STIMATE: variants seen among roughly 807,000 people sequenced by gnomAD.
The protein encoded by STIMATE is store-operated calcium entry regulator STIMATE.
STIMATE carries 15 observed loss-of-function variants against 36.7 expected under a neutral mutation model. That is an observed-to-expected ratio of 0.41 (90% CI 0.27 to 0.63). STIMATE has a LOEUF of 0.63. STIMATE is among the 20% of genes least tolerant of loss of function. The pLI is 0.32. For synonymous variants in STIMATE, 163 were observed against 162.3 expected (o/e 1.00, Z -0.03); for missense variants, 305 against 397.3 (o/e 0.77, Z 1.98).
intron 4 of STIMATE, chr3:52,846,667 G>C (rs554048602): frequency 1.3e-5 from 2 of 152,318 alleles, no homozygotes; most frequent in Non-Finnish European, 2.9e-5. Context: ...TGCCTCTTTA[G>C]ATGCTAAAAT....
intron 1 of STIMATE, among the ~76,000 whole-genome samples, chr3:52,873,208 C>A (rs1201361580): frequency 1.3e-5 from 2 of 152,210 alleles, no homozygotes; most frequent in Non-Finnish European, 1.5e-5. Flanking sequence ...AGGAGCAGGG[C>A]TGTGGTGTCA....
rs1023151554 is a variant in STIMATE, at chr3:52,843,766, G to A, written c.573C>T (p.Asp191=). ...TCAGCATGACGATGGCCAGCTTCAAGTCTGGGTTTTCAATGGGATTCAACA... is the reference window on the plus strand; with the variant it reads ...TCAGCATGACGATGGCCAGCTTCAAATCTGGGTTTTCAATGGGATTCAACA... ...VALLNPIENP[D]LKLAIVMLIV... is the part of the protein sequence containing the mutation. The change falls in exon 6 of 8, where the codon GAC becomes GAT. Residue 191 remains aspartate, a synonymous_variant. Coordinates refer to ENST00000355083, the MANE Select transcript of STIMATE (RefSeq NM_198563.5). 6.8e-6 allele frequency: 11 copies of A among 1,613,830 alleles called. No homozygotes were observed. Among genetic ancestry groups the A allele is most frequent in the Middle Eastern group, 1.6e-4 (1 of 6,084 alleles).
chr3:52,878,641 G>A (rs1185858739), intron 1 of STIMATE, among the ~76,000 whole-genome samples: 1 of 152,138 alleles, frequency 6.6e-6, no homozygotes, highest in Non-Finnish European at 1.5e-5. Context: ...TGATTGTCTC[G>A]TGAGCCTACC....
chr3:52,883,211 G>A (rs975331252), intron 1 of STIMATE, among the ~76,000 whole-genome samples: 5 of 152,092 alleles, frequency 3.3e-5, no homozygotes, highest in Admixed American at 2.0e-4. Flanking sequence ...ATTTCTCACC[G>A]GCTATAGAAT....
At chr3:52,857,976 A>G (rs2106678910) in intron 1 of STIMATE, among the ~76,000 whole-genome samples, 1 of 152,274 alleles carries the variant, frequency 6.6e-6, no homozygotes, top group African/African-American at 2.4e-5. Context: ...GGAGGAGATT[A>G]GGACACAGAT....
At chr3:52,870,347 A>C (rs1701380969) in intron 1 of STIMATE, among the ~76,000 whole-genome samples, 1 of 152,114 alleles carries the variant, frequency 6.6e-6, no homozygotes, top group Non-Finnish European at 1.5e-5. Context: ...ATCTGAAAAC[A>C]ACCACGATCA....
chr3:52,863,022 G>A lies in STIMATE; in HGVS notation c.161-7578C>T, dbSNP rs1424644751. 3.3e-5 allele frequency among the ~76,000 whole-genome samples: 5 copies of A among 152,188 alleles called. No individual in the cohort carries two copies. In the East Asian group the frequency reaches 7.7e-4, roughly 23 times the overall value. On this transcript the variant is annotated intron_variant, in intron 1 of 7. Coordinates refer to ENST00000355083, the MANE Select transcript of STIMATE (RefSeq NM_198563.5). ...GGTCCTCTCCCAGAGCTGCTGGAGG[G>A]AGTGTGGCCGCTGCCCACACCTTGA...
chr3:52,849,632 G>A (rs376149096), intron 4 of STIMATE, among the ~76,000 whole-genome samples, 160 bp downstream of exon 4: 74 of 27,348 alleles, frequency 2.7e-3, no homozygotes, highest in African/African-American at 3.0e-3. Context: ...CCCACAGGAG[G>A]GTGTGCTCAA....
chr3:52,862,062 C>T (rs1463070627), intron 1 of STIMATE, among the ~76,000 whole-genome samples: 1 of 152,180 alleles, frequency 6.6e-6, no homozygotes, highest in East Asian at 1.9e-4. Flanking sequence ...CAGGCTGGCC[C>T]AGTCTGCTGG....
At chr3:52,857,683 T>A (rs1023374186) in intron 1 of STIMATE, among the ~76,000 whole-genome samples, 2 of 151,586 alleles carry the variant, frequency 1.3e-5, no homozygotes, top group Admixed American at 1.3e-4. Flanking sequence ...GTATAATAAA[T>A]GTATTACATT....
chr3:52,897,213 C>A, intron 1 of STIMATE, 78 bp downstream of exon 1: 1 of 1,503,914 alleles, frequency 6.6e-7, no homozygotes, highest in Non-Finnish European at 8.8e-7. Flanking sequence ...GAACTCTCCG[C>A]GCAGGAGGGG....
rs553436228 is a variant in STIMATE at position 52,882,175 on chromosome 3, C to T, written c.160+15116G>A. Among the ~76,000 whole-genome samples the T allele has an allele frequency of 4.6e-5, 7 of 152,316 alleles. No homozygotes were observed. In the East Asian group the frequency reaches 7.7e-4, roughly 17 times the overall value. On this transcript the variant is annotated intron_variant, in intron 1 of 7. Transcript: ENST00000355083. ...GGCTGGGGTCCTTAGCTCCTCACCA[C>T]GTGGGTCTCTTCACAGGACTGCCTG...
At chr3:52,849,163 G>A (rs1700956249) in intron 4 of STIMATE, among the ~76,000 whole-genome samples, 2 of 152,212 alleles carry the variant, frequency 1.3e-5, no homozygotes, top group Admixed American at 6.5e-5. Context: ...AGGCTCCACT[G>A]ATACTGATCC....
intron 1 of STIMATE, among the ~76,000 whole-genome samples, chr3:52,892,041 G>A (rs1701791908): frequency 6.6e-6 from 1 of 152,330 alleles, no homozygotes; most frequent in East Asian, 1.9e-4. Context: ...CATGGATGCT[G>A]GGTCAGGCTG....
chr3:52,868,022 G>A (rs940976646), intron 1 of STIMATE, among the ~76,000 whole-genome samples: 2 of 152,148 alleles, frequency 1.3e-5, no homozygotes, highest in African/African-American at 4.8e-5. Context: ...TGTCCTGAGG[G>A]GTGAGCAAAT....
chr3:52,874,542 T>C (rs1701466620), intron 1 of STIMATE, among the ~76,000 whole-genome samples: 1 of 152,190 alleles, frequency 6.6e-6, no homozygotes, highest in Admixed American at 6.5e-5. Context: ...TTGCTTACAG[T>C]GAGAATGTAT....
chr3:52,862,212 C>A (rs1701229064), intron 1 of STIMATE, among the ~76,000 whole-genome samples: 1 of 152,210 alleles, frequency 6.6e-6, no homozygotes. Context: ...ATCTCCCCTG[C>A]CAAGTTGTAA....
intron 1 of STIMATE, among the ~76,000 whole-genome samples, chr3:52,873,512 A>C (rs1408499533): frequency 6.6e-6 from 1 of 152,182 alleles, no homozygotes; most frequent in East Asian, 1.9e-4. Flanking sequence ...TCGGCTCCAG[A>C]ACCACCCAGG....
intron 1 of STIMATE, among the ~76,000 whole-genome samples, chr3:52,888,627 A>C (rs1427632949): frequency 1.3e-5 from 2 of 152,208 alleles, no homozygotes; most frequent in Non-Finnish European, 2.9e-5. Context: ...CTATTAAATG[A>C]AGATGTCTTA....
Sources: allele counts gnomAD v4.1 joint callset (sites outside exome capture counted in the v4.1 genomes callset), GRCh38; gene constraint gnomAD v4.1.1; transcripts MANE v1.5; gene names NCBI Gene and HGNC (gene_info 2026-07-23, HGNC 2026-07-21).